LRRC41: variants seen among roughly 807,000 people sequenced by gnomAD.
The protein encoded by LRRC41 is leucine-rich repeat-containing protein 41.
Under a neutral mutation model 72.1 loss-of-function variants are expected in LRRC41, and 17 were observed. That is an observed-to-expected ratio of 0.24 (90% CI 0.16 to 0.35). LRRC41 has a LOEUF of 0.35. Among genes scored for constraint, LRRC41 ranks in the 10% least tolerant of loss-of-function variants. LRRC41 has a pLI of 1.00. For missense variants in LRRC41, 759 were observed against 1,065.0 expected (o/e 0.71, Z 4.00); for synonymous variants, 427 against 431.0 (o/e 0.99, Z 0.11).
chr1:46,303,279 C>A lies in LRRC41; in HGVS notation c.44G>T (p.Cys15Phe). 6.5e-7 allele frequency: 1 copy of A among 1,543,638 alleles called. No individual in the cohort carries two copies. Among genetic ancestry groups the A allele is most frequent in the Non-Finnish European group, 8.7e-7 (1 of 1,145,388 alleles). ...EAWRARSCWF[C>F]EVAAATTMEA... The stretch of plus-strand genomic sequence containing the variant: ...CATGGTCGTTGCCGCCGCTACCTCA[C>A]AGAACCAGCAACTCCGGGCGCGCCA... Residue 15 changes from cysteine (C) to phenylalanine (F), a missense_variant, in exon 1 of 10, where the codon TGT (cysteine) becomes TTT (phenylalanine). Around this residue, in one of 4 missense-constraint regions of LRRC41, gnomAD observed 106 missense variants for 66.1 expected, o/e 1.60. Transcript: ENST00000617190.
chr1:46,302,760 C>T lies in LRRC41; in HGVS notation c.199+364G>A. ...CTAGGGCAGCCGGGCCATCGCTGCC[C>T]ACCGGTTCGACATCCGAGACTCTCC... On this transcript the variant is annotated intron_variant, in intron 1 of 9. Coordinates refer to ENST00000617190, the MANE Select transcript of LRRC41 (RefSeq NM_006369.5). The surrounding 1 kb of genome is among the most constrained non-coding windows in gnomAD (Gnocchi z 4.7). 1 of 985,276 alleles carries T rather than the reference C, an allele frequency of 1.0e-6. No homozygotes were observed. The highest frequency in any genetic ancestry group is 5.2e-4 in the Middle Eastern group (1 of 1,914). 61.0% of individuals were successfully genotyped at this position (985,276 alleles called of 1,614,324 possible). A position where few individuals can be genotyped will look rare whatever the true frequency, so the allele number is the denominator to read the frequency against.
Position 46,302,579 on chromosome 1 carries a change from T to C in LRRC41, c.199+545A>G, listed in dbSNP as rs892673623. The C allele has an allele frequency of 1.0e-5, 10 of 984,930 alleles. No individual in the cohort carries two copies. In the African/African-American group the frequency reaches 1.6e-4, roughly 16 times the overall value. The allele number at this position is 984,930 out of a possible 1,614,324, so 61.0% of individuals were successfully genotyped here. A position where few individuals can be genotyped will look rare whatever the true frequency, so the allele number is the denominator to read the frequency against. On this transcript the variant is annotated intron_variant, in intron 1 of 9. Transcript: ENST00000617190. This position sits in a 1 kb window ranked among gnomAD's most constrained non-coding sequence, Gnocchi z 4.7. ...CCCATTCCCTCGCTCTCCAATCTGC[T>C]GTCCTCCCCTCCGCCCATCGGCTTG...
chr1:46,297,614 G>A lies in LRRC41; in HGVS notation c.306C>T (p.Ile102=). The A allele has an allele frequency of 3.1e-6, 5 of 1,614,164 alleles. No individual in the cohort carries two copies. In the South Asian group the frequency reaches 5.5e-5, roughly 18 times the overall value. The change falls in exon 3 of 10, where the codon ATC becomes ATT. Residue 102 remains isoleucine, a synonymous_variant. Coordinates refer to ENST00000617190, the MANE Select transcript of LRRC41 (RefSeq NM_006369.5). The part of the protein sequence containing the change: ...ALKKGLSTQA[I]WRRLWDELMK... ...TCAGTTCATCCCAGAGTCGGCGCCA[G>A]ATGGCCTGAGTTGAGAGGCCTGTAA...
chr1:46,298,038 G>C (rs79543077), intron 2 of LRRC41, among the ~76,000 whole-genome samples: 1 of 152,108 alleles, frequency 6.6e-6, no homozygotes, highest in Non-Finnish European at 1.5e-5. Flanking sequence ...ACAAGATATG[G>C]GTTGTTGTTC....
intron 4 of LRRC41, chr1:46,284,984 T>C (rs767597524): frequency 1.3e-4 from 28 of 210,928 alleles, no homozygotes; most frequent in Non-Finnish European, 2.0e-4. Context: ...TCCCACACCT[T>C]GTCTGGACAG....
At chr1:46,290,917 T>TTTG (rs2148320677) in intron 3 of LRRC41, among the ~76,000 whole-genome samples, 1 of 21,666 alleles carries the variant, frequency 4.6e-5, no homozygotes, top group Non-Finnish European at 1.5e-4. Context: ...CTGTTTCTAG[T>TTTG]TTTTTTTTTT....
intron 3 of LRRC41, among the ~76,000 whole-genome samples, chr1:46,295,990 T>C (rs1426399591): frequency 3.9e-5 from 6 of 152,326 alleles, no homozygotes; most frequent in Admixed American, 6.5e-5. Context: ...TCATTCACCA[T>C]AGAAGGCCCA....
intron 1 of LRRC41, among the ~76,000 whole-genome samples, chr1:46,301,678 C>G (rs1661227353): frequency 6.6e-6 from 1 of 151,922 alleles, no homozygotes; most frequent in South Asian, 2.1e-4. Flanking sequence ...TGGCATAACT[C>G]AAACTCCGCG....
intron 3 of LRRC41, among the ~76,000 whole-genome samples, chr1:46,291,004 A>G (rs984032273): frequency 5.0e-5 from 7 of 141,386 alleles, no homozygotes; most frequent in South Asian, 2.2e-4. Flanking sequence ...GGCTCACTGC[A>G]ACCTCCATCT....
chr1:46,282,251 G>C (rs1443445462), intron 4 of LRRC41, among the ~76,000 whole-genome samples: 1 of 152,160 alleles, frequency 6.6e-6, no homozygotes, highest in Admixed American at 6.5e-5. Flanking sequence ...TAAAAACTAT[G>C]GAGAGTGACA....
At position 46,278,237 on chromosome 1, in the gene LRRC41, C is replaced by A. The variant is rs753869856; in HGVS notation, c.*628G>T. 6.2e-7 allele frequency: 1 copy of A among 1,613,796 alleles called. No homozygotes were observed. On this transcript the variant is annotated 3_prime_UTR_variant, in exon 10 of 10. Transcript: ENST00000617190. ...ATGCTGCCTCCACTGCCATCACCTT[C>A]GTCTTCCACCAGCGTTCTCATGAGG...
rs941245653 is a variant in LRRC41, at chr1:46,286,077, G to A, written c.780C>T (p.Gly260=). ...SAGFWQPGPG[G]PPCRLCGEAS... ...CCTCTCCACAGAGGCGGCAGGGTGG[G>A]CCACCAGGCCCTGGTTGCCAGAAGC... is the stretch of plus-strand genomic sequence containing the variant. The change falls in exon 4 of 10, where the codon GGC becomes GGT. Residue 260 remains glycine (G), a synonymous_variant. Transcript: ENST00000617190. This position sits in a 1 kb window ranked among gnomAD's most constrained non-coding sequence, Gnocchi z 5.5. 1.2e-6 allele frequency: 2 copies of A among 1,610,074 alleles called. No homozygotes were observed. The highest frequency in any genetic ancestry group is 8.5e-7 in the Non-Finnish European group (1 of 1,176,920).
intron 5 of LRRC41, 150 bp downstream of exon 5, chr1:46,280,975 G>C: frequency 9.3e-7 from 1 of 1,079,008 alleles, no homozygotes; most frequent in Non-Finnish European, 1.3e-6. Context: ...GAGTATCTTA[G>C]TGGTAGGCTC....
chr1:46,285,737 A>G lies in LRRC41; in HGVS notation c.1120T>C (p.Tyr374His). Residue 374 changes from tyrosine (Y) to histidine (H), a missense_variant, in exon 4 of 10, where the codon TAC becomes CAC. By Grantham distance (83) the Tyr-to-His change is moderately conservative. Around this residue, in one of 4 missense-constraint regions of LRRC41, gnomAD observed 427 missense variants for 520.9 expected, o/e 0.82. Transcript: ENST00000617190. The surrounding 1 kb of genome is among the most constrained non-coding windows in gnomAD (Gnocchi z 5.3). ...GCTGAGCTAGCTGGTGCCCGTTTGT[A>G]TGAGGATGTAGAAGAAGAGGCAGAG... ...TSSASSSTSS[Y>H]KRAPASSAPQ... 1 of 1,605,854 alleles carries G rather than the reference A, an allele frequency of 6.2e-7. No homozygotes were observed. Among genetic ancestry groups the G allele is most frequent in the Admixed American group, 1.7e-5 (1 of 58,270 alleles).
In LRRC41 at chr1:46,277,512, G is replaced by A. The variant is rs904923468; in HGVS notation, c.*1353C>T. The A allele has an allele frequency of 2.2e-6, 1 of 461,282 alleles. No individual in the cohort carries two copies. Among genetic ancestry groups the A allele is most frequent in the Non-Finnish European group, 4.0e-6 (1 of 251,170 alleles). 28.6% of individuals were successfully genotyped at this position (461,282 alleles called of 1,614,324 possible). A position where few individuals can be genotyped will look rare whatever the true frequency, so the allele number is the denominator to read the frequency against. On this transcript the variant is annotated 3_prime_UTR_variant, in exon 10 of 10. Transcript: ENST00000617190. ...ATTGAATGAGTTAGAGTTGGGCTTG[G>A]TGCAGAAATCTGAAGCTGCAGCAGA...
At chr1:46,294,888 C>T (rs1557718030) in intron 3 of LRRC41, among the ~76,000 whole-genome samples, 1 of 151,490 alleles carries the variant, frequency 6.6e-6, no homozygotes. Flanking sequence ...CCACTGTGCC[C>T]GGCCACAATT....
chr1:46,301,752 G>C (rs1661229659), intron 1 of LRRC41, among the ~76,000 whole-genome samples: 1 of 151,962 alleles, frequency 6.6e-6, no homozygotes. Context: ...CTCCTGCAAA[G>C]ACGCCACGGC....
chr1:46,302,393 C>T lies in LRRC41; in HGVS notation c.199+731G>A. 1.0e-6 allele frequency: 1 copy of T among 985,462 alleles called. No individual in the cohort carries two copies. The highest frequency in any genetic ancestry group is 1.2e-6 in the Non-Finnish European group (1 of 829,936). The allele number at this position is 985,462 out of a possible 1,614,324, so 61.0% of individuals were successfully genotyped here. On this transcript the variant is annotated intron_variant, in intron 1 of 9. Coordinates refer to ENST00000617190, the MANE Select transcript of LRRC41 (RefSeq NM_006369.5). The surrounding 1 kb of genome is among the most constrained non-coding windows in gnomAD (Gnocchi z 4.7). ...GTCCCTCCTCGCCGCTCGAGCCGAT[C>T]CGAGTGGCCTCCGGCGCTCCCTGTC...
In LRRC41 at chr1:46,303,349, T is replaced by A; in HGVS notation, c.-27A>T. 1 of 1,475,990 alleles carries A rather than the reference T, an allele frequency of 6.8e-7. No homozygotes were observed. The highest frequency in any genetic ancestry group is 9.0e-7 in the Non-Finnish European group (1 of 1,115,538). The allele number at this position is 1,475,990 out of a possible 1,614,324, so 91.4% of individuals were successfully genotyped here. A position where few individuals can be genotyped will look rare whatever the true frequency, so the allele number is the denominator to read the frequency against. ...TTGGGGAGGTGCGCGAGCCCGAGAG[T>A]GTCGCCCGCGGACCGCCATCTTGAA... On this transcript the variant is annotated 5_prime_UTR_variant, in exon 1 of 10. Transcript: ENST00000617190.
Sources: gnomAD v4.1 joint callset for allele counts (sites outside exome capture counted in the v4.1 genomes callset) on GRCh38, gnomAD v4.1.1 for gene constraint, gnomAD v4.1.1 regional missense constraint, Gnocchi (gnomAD v3.1) non-coding constraint, MANE v1.5 for transcripts, NCBI Gene and HGNC (gene_info 2026-07-23, HGNC 2026-07-21) for gene names.